Variants in MAGI2 observed in about 807,000 individuals in gnomAD.
MAGI2 encodes membrane-associated guanylate kinase, WW and PDZ domain-containing protein 2.
A neutral mutation model predicts 133.3 loss-of-function variants in MAGI2; 35 were observed. The ratio of observed to expected loss-of-function variants is 0.26; its 90% CI spans 0.20 to 0.35. MAGI2 has a LOEUF of 0.35. Ranked by LOEUF, MAGI2 falls within the 10% of genes least tolerant of loss-of-function variation. The pLI is 1.00. For synonymous variants in MAGI2, 729 were observed against 710.6 expected (o/e 1.03, Z -0.41); for missense variants, 1,636 against 1,863.4 (o/e 0.88, Z 2.25).
chr7:79,306,349 T>C (rs934029035), intron 1 of MAGI2, among the ~76,000 whole-genome samples: 2 of 148,772 alleles, frequency 1.3e-5, no homozygotes, highest in African/African-American at 4.9e-5. Context: ...TTTGTAGAGA[T>C]AGGGGTCTTC....
In MAGI2 at chr7:79,453,597, A is replaced by AGTG. The variant is rs1215485312; in HGVS notation, c.-280_-278dup. ...GCTGTGGCCCCGCAGCAGAGGAAGCAGTGGTGGTGGCGTCGGCGGCGGCGG... is the reference window on the plus strand; with the variant it reads ...GCTGTGGCCCCGCAGCAGAGGAAGCAGTGGTGGTGGTGGCGTCGGCGGCGGCGG... On this transcript the variant is annotated 5_prime_UTR_variant, in exon 1 of 22. Coordinates refer to ENST00000354212, the MANE Select transcript of MAGI2 (RefSeq NM_012301.4). The AGTG allele has an allele frequency of 2.9e-6, 3 of 1,028,210 alleles. No individual in the cohort carries two copies. The highest frequency in any genetic ancestry group is 1.8e-5 in the African/African-American group (1 of 54,802). The allele number at this position is 1,028,210 out of a possible 1,614,324, so 63.7% of individuals were successfully genotyped here. A position where few individuals can be genotyped will look rare whatever the true frequency, so the allele number is the denominator to read the frequency against.
rs116895904 is a variant in MAGI2, at chr7:79,139,658, G to A, written c.302-132452C>T. On this transcript the variant is annotated intron_variant, in intron 1 of 21. Coordinates refer to ENST00000354212, the MANE Select transcript of MAGI2 (RefSeq NM_012301.4). ...AGCAAGGGGTAAATTTGGTAACTGG[G>A]AGTACTATACACGAATTGAGTGGAT... Among the ~76,000 whole-genome samples, 1,506 of 152,236 alleles carry A rather than the reference G, an allele frequency of 9.9e-3. 19 individuals carry two copies. Among genetic ancestry groups the A allele is most frequent in the Non-Finnish European group, 0.011 (756 of 68,016 alleles).
chr7:78,293,696 C>T (rs564037291), intron 9 of MAGI2, among the ~76,000 whole-genome samples: 1 of 152,194 alleles, frequency 6.6e-6, no homozygotes, highest in East Asian at 1.9e-4. Flanking sequence ...AAATGTCCAT[C>T]AATGATAGAC....
At chr7:79,190,330 G>A (rs1827543581) in intron 1 of MAGI2, among the ~76,000 whole-genome samples, 6 of 151,950 alleles carry the variant, frequency 3.9e-5, no homozygotes, top group Admixed American at 6.6e-5. Flanking sequence ...AAGGCAAGTG[G>A]TGCTATCTCA....
intron 2 of MAGI2, among the ~76,000 whole-genome samples, chr7:78,880,755 C>T (rs949065159): frequency 8.9e-4 from 135 of 151,104 alleles, no homozygotes; most frequent in African/African-American, 3.2e-3. Context: ...GCTCTAAATG[C>T]TCCACTTAAA....
At chr7:78,448,456 AC>A (rs1410443796) in intron 6 of MAGI2, among the ~76,000 whole-genome samples, 14 of 152,154 alleles carry the variant, frequency 9.2e-5, no homozygotes, top group Middle Eastern at 6.8e-3. Context: ...CACCAGAAAA[AC>A]TGATTTATTC....
At chr7:79,369,424 G>C (rs66592015) in intron 1 of MAGI2, among the ~76,000 whole-genome samples, 22,093 of 152,006 alleles carry the variant, frequency 0.15, 1,711 homozygotes, top group South Asian at 0.25. Flanking sequence ...CAGATGCAAA[G>C]CCTTTTTCCA....
At chr7:79,424,582 C>A (rs915502217) in intron 1 of MAGI2, among the ~76,000 whole-genome samples, 1 of 152,094 alleles carries the variant, frequency 6.6e-6, no homozygotes, top group Non-Finnish European at 1.5e-5. Context: ...AAAATGATAT[C>A]TATGTGAGGT....
At chr7:78,760,358 TCTC>T (rs1443901786) in intron 2 of MAGI2, among the ~76,000 whole-genome samples, 1 of 114,220 alleles carries the variant, frequency 8.8e-6, no homozygotes, top group African/African-American at 3.5e-5. Flanking sequence ...ACTTTAATTC[TCTC>T]TTTTTTTTTT....
At chr7:78,446,609 T>C (rs1193259306) in intron 6 of MAGI2, among the ~76,000 whole-genome samples, 4 of 152,206 alleles carry the variant, frequency 2.6e-5, no homozygotes, top group Middle Eastern at 6.8e-3. Context: ...AGTAGAAAGC[T>C]ATGCCTTGGG....
intron 1 of MAGI2, among the ~76,000 whole-genome samples, chr7:79,355,165 A>T (rs1841939217): frequency 6.6e-6 from 1 of 152,080 alleles, no homozygotes. Flanking sequence ...CCACTAACCC[A>T]TTCAGATTCT....
At chr7:79,421,900 G>A (rs1317775331) in intron 1 of MAGI2, among the ~76,000 whole-genome samples, 2 of 151,738 alleles carry the variant, frequency 1.3e-5, no homozygotes, top group Admixed American at 1.3e-4. Context: ...TCTATACCAG[G>A]GTCCTCATAT....
At chr7:78,512,917 C>G (rs1795727682) in intron 4 of MAGI2, among the ~76,000 whole-genome samples, 1 of 151,972 alleles carries the variant, frequency 6.6e-6, no homozygotes, top group African/African-American at 2.4e-5. Flanking sequence ...AAAAGAATCA[C>G]AGAAAGATTA....
intron 6 of MAGI2, among the ~76,000 whole-genome samples, chr7:78,422,562 G>C (rs185587987): frequency 1.4e-5 from 2 of 144,914 alleles, no homozygotes; most frequent in African/African-American, 5.3e-5. Flanking sequence ...TCTAGAAGGT[G>C]AATGTAATGT....
At chr7:78,698,451 G>A (rs976499253) in intron 2 of MAGI2, among the ~76,000 whole-genome samples, 1 of 152,156 alleles carries the variant, frequency 6.6e-6, no homozygotes, top group African/African-American at 2.4e-5. Context: ...ATGCCACTGT[G>A]CTGCTTAGTT....
chr7:78,372,979 A>G (rs1193061495), intron 6 of MAGI2, among the ~76,000 whole-genome samples: 1 of 101,080 alleles, frequency 9.9e-6, no homozygotes, highest in African/African-American at 4.2e-5. Context: ...GTCAAAAATA[A>G]ATAACCTTAT....
intron 21 of MAGI2, among the ~76,000 whole-genome samples, chr7:78,059,569 C>T (rs1813001731): frequency 6.6e-6 from 1 of 152,170 alleles, no homozygotes; most frequent in African/African-American, 2.4e-5. Flanking sequence ...CCTCTCTGCC[C>T]ATCTAAAATC....
chr7:78,624,715 TG>T (rs34189736), intron 3 of MAGI2, among the ~76,000 whole-genome samples: 102,564 of 151,730 alleles, frequency 0.68, 35,121 homozygotes, highest in Middle Eastern at 0.8. Flanking sequence ...ATGTAGGTGA[TG>T]GGGATGATCT....
In MAGI2 at chr7:78,759,428, A is replaced by AT. The variant is rs201485885; in HGVS notation, c.419-132190dup. On this transcript the variant is annotated intron_variant, in intron 2 of 21. Transcript: ENST00000354212. ...GCTAAAAGTAATGAAATCACAAATA[A>AT]TTTTTTTTCACAGCATGGTTGGGAT... 9.0e-4 allele frequency among the ~76,000 whole-genome samples: 137 copies of AT among 152,100 alleles called. No homozygotes were observed. In the East Asian group the frequency reaches 0.011, roughly 12 times the overall value.
Sources: allele counts gnomAD v4.1 joint callset (sites outside exome capture counted in the v4.1 genomes callset), GRCh38; gene constraint gnomAD v4.1.1; transcripts MANE v1.5; gene names NCBI Gene and HGNC (gene_info 2026-07-23, HGNC 2026-07-21).